KCNIP4: variants seen among roughly 807,000 people sequenced by gnomAD.
KCNIP4 encodes potassium voltage-gated channel interacting protein 4.
A neutral mutation model predicts 34.0 loss-of-function variants in KCNIP4; 12 were observed. The observed-to-expected ratio is 0.35, with a 90% CI of 0.23 to 0.57. KCNIP4 has a LOEUF of 0.57. KCNIP4 is among the 20% of genes least tolerant of loss of function. The pLI, the probability that KCNIP4 is intolerant of heterozygous loss-of-function variation, is 0.83. For synonymous variants in KCNIP4, 124 were observed against 102.2 expected (o/e 1.21, Z -1.29); for missense variants, 238 against 311.7 (o/e 0.76, Z 1.78).
intron 1 of KCNIP4, among the ~76,000 whole-genome samples, chr4:21,131,342 AC>A (rs1249574128): frequency 6.6e-6 from 1 of 152,166 alleles, no homozygotes; most frequent in Non-Finnish European, 1.5e-5. Context: ...TAGAACTAAA[AC>A]CAAAAAAGCA....
intron 5 of KCNIP4, among the ~76,000 whole-genome samples, chr4:20,743,010 A>ATGTGAAGGACCCTTATAAGAG (rs1751525162): frequency 6.7e-6 from 1 of 148,860 alleles, no homozygotes; most frequent in African/African-American, 2.5e-5. Flanking sequence ...CTTATATGGG[A>ATGTGAAGGACCCTTATAAGAG]TGTGAAGGAC....
In KCNIP4 at chr4:21,794,814, G is replaced by A. The variant is rs535122646; in HGVS notation, c.61+153757C>T. On this transcript the variant is annotated intron_variant, in intron 1 of 8. Transcript: ENST00000382152. ...GAATTTATTGAACCAGGGAGGCGGA[G>A]GTTGCAGTGAGCTGAGATCATGCCA... 3.9e-5 allele frequency among the ~76,000 whole-genome samples: 6 copies of A among 152,252 alleles called. No individual in the cohort carries two copies. The East Asian group carries it at 5.8e-4, about 15-fold the overall frequency.
intron 3 of KCNIP4, among the ~76,000 whole-genome samples, chr4:20,800,576 GATATA>G (rs1206192445): frequency 6.6e-6 from 1 of 152,036 alleles, no homozygotes; most frequent in African/African-American, 2.4e-5. Context: ...TCAACAGAGA[GATATA>G]ATAAAAAAGA....
intron 1 of KCNIP4, among the ~76,000 whole-genome samples, chr4:21,359,909 G>T (rs1261955872): frequency 6.6e-6 from 1 of 152,062 alleles, no homozygotes; most frequent in African/African-American, 2.4e-5. Context: ...TAGAAAATTG[G>T]TCACTGAATT....
chr4:21,843,582 T>G (rs1723823771), intron 1 of KCNIP4: 1 of 151,986 alleles, frequency 6.6e-6, no homozygotes, highest in Non-Finnish European at 1.5e-5. Context: ...ATCCTATCTC[T>G]GAAGAAACAG....
At chr4:21,043,453 C>T (rs1267968360) in intron 1 of KCNIP4, among the ~76,000 whole-genome samples, 3 of 152,128 alleles carry the variant, frequency 2.0e-5, no homozygotes, top group African/African-American at 7.2e-5. Context: ...CCTCAGCCTC[C>T]CTAGTAGCTG....
chr4:21,706,248 A>G (rs531045885), intron 1 of KCNIP4, among the ~76,000 whole-genome samples: 6 of 152,322 alleles, frequency 3.9e-5, no homozygotes, highest in Non-Finnish European at 5.9e-5. Context: ...ACAAAGAAAT[A>G]TAAGTGAACA....
intron 1 of KCNIP4, among the ~76,000 whole-genome samples, chr4:21,365,416 T>G (rs183350645): frequency 1.3e-5 from 2 of 150,486 alleles, no homozygotes; most frequent in Non-Finnish European, 2.9e-5. Context: ...ACCTGAAGGG[T>G]GCAGTGAGCC....
At chr4:21,080,900 G>A (rs533641779) in intron 1 of KCNIP4, among the ~76,000 whole-genome samples, 2 of 151,844 alleles carry the variant, frequency 1.3e-5, no homozygotes, top group South Asian at 4.2e-4. Flanking sequence ...TAATAAAACA[G>A]AAGAATGAAT....
At chr4:21,075,265 G>A (rs1225547025) in intron 1 of KCNIP4, among the ~76,000 whole-genome samples, 1 of 152,054 alleles carries the variant, frequency 6.6e-6, no homozygotes, top group Non-Finnish European at 1.5e-5. Context: ...ATTATTGTGT[G>A]GGAGTCTAAG....
chr4:20,970,865 G>A (rs1047237402), intron 1 of KCNIP4, among the ~76,000 whole-genome samples: 23 of 152,316 alleles, frequency 1.5e-4, no homozygotes, highest in African/African-American at 5.5e-4. Flanking sequence ...ACAGGGCATT[G>A]AGGATGGAAA....
At chr4:21,384,569 G>A (rs1721836449) in intron 1 of KCNIP4, among the ~76,000 whole-genome samples, 1 of 152,186 alleles carries the variant, frequency 6.6e-6, no homozygotes, top group African/African-American at 2.4e-5. Context: ...CCAGATTGAT[G>A]TGGAATAACT....
At chr4:20,922,997 T>C (rs1042610936) in intron 1 of KCNIP4, among the ~76,000 whole-genome samples, 3 of 152,026 alleles carry the variant, frequency 2.0e-5, no homozygotes, top group African/African-American at 7.2e-5. Context: ...GACAACAGTG[T>C]AAAAAAGATG....
intron 1 of KCNIP4, among the ~76,000 whole-genome samples, chr4:21,906,870 T>C (rs977240730): frequency 3.3e-5 from 5 of 152,264 alleles, no homozygotes; most frequent in African/African-American, 2.4e-5. Context: ...TTAGAATATG[T>C]TACATTTTAC....
At chr4:21,883,068 C>A (rs1019541179) in intron 1 of KCNIP4, among the ~76,000 whole-genome samples, 1 of 151,740 alleles carries the variant, frequency 6.6e-6, no homozygotes, top group African/African-American at 2.4e-5. Context: ...AAATAACATT[C>A]TAAGACCAAA....
At chr4:21,618,560 G>GTCTC (rs34578063) in intron 1 of KCNIP4, among the ~76,000 whole-genome samples, 269 of 141,230 alleles carry the variant, frequency 1.9e-3, no homozygotes, top group South Asian at 4.1e-3. Context: ...TCTTTTTCTG[G>GTCTC]TCTCTCTCTC....
At chr4:21,670,477 C>T (rs1002115530) in intron 1 of KCNIP4, among the ~76,000 whole-genome samples, 42 of 150,392 alleles carry the variant, frequency 2.8e-4, no homozygotes, top group Non-Finnish European at 4.6e-4. Context: ...TGCTAGATGA[C>T]GAGTTAGTGA....
intron 1 of KCNIP4, among the ~76,000 whole-genome samples, chr4:21,115,886 C>T (rs571412884): frequency 6.6e-6 from 1 of 152,238 alleles, no homozygotes; most frequent in South Asian, 2.1e-4. Context: ...TAATCCTTAA[C>T]AGATATAAGC....
intron 1 of KCNIP4, among the ~76,000 whole-genome samples, chr4:21,269,741 C>A (rs554199729): frequency 6.6e-6 from 1 of 152,010 alleles, no homozygotes; most frequent in African/African-American, 2.4e-5. Context: ...ATCTCGATAA[C>A]CTAAATTAGA....
Sources: allele counts gnomAD v4.1 joint callset (sites outside exome capture counted in the v4.1 genomes callset), GRCh38; gene constraint gnomAD v4.1.1; transcripts MANE v1.5; gene names NCBI Gene and HGNC (gene_info 2026-07-23, HGNC 2026-07-21).